HELB: variants seen among roughly 807,000 people sequenced by gnomAD.
HELB encodes the protein DNA helicase B, also known as DNA 5'-3' helicase B.
HELB carries 96 observed loss-of-function variants against 101.7 expected under a neutral mutation model. The observed-to-expected ratio is 0.94, with a 90% CI of 0.80 to 1.12. The LOEUF is 1.12. HELB is among the 50% of genes most tolerant of loss of function. The pLI is 0.00. For synonymous variants in HELB, 437 were observed against 459.7 expected (o/e 0.95, Z 0.63); for missense variants, 1,210 against 1,291.9 (o/e 0.94, Z 0.97).
intron 2 of HELB, among the ~76,000 whole-genome samples, chr12:66,305,611 G>C (rs1000449860): frequency 1.3e-5 from 2 of 151,838 alleles, no homozygotes; most frequent in Non-Finnish European, 2.9e-5. Context: ...CAGGTGTGGT[G>C]ATATATACCT....
At chr12:66,321,650 AGT>A in intron 7 of HELB, 1 of 290,678 alleles carries the variant, frequency 3.4e-6, no homozygotes, top group Non-Finnish European at 6.6e-6. Flanking sequence ...TCTTAAATTC[AGT>A]GTTCATAAAC....
chr12:66,307,105 G>A (rs1328578129), intron 3 of HELB, among the ~76,000 whole-genome samples: 3 of 152,116 alleles, frequency 2.0e-5, no homozygotes, highest in Non-Finnish European at 4.4e-5. Context: ...ACTTAATCTT[G>A]GTAGTTCTTG....
Position 66,331,408 on chromosome 12 carries a change from T to C in HELB, c.2925T>C (p.Ser975=), listed in dbSNP as rs762664111. Residue 975 remains serine, a synonymous_variant, in exon 12 of 13, where the codon AGT becomes AGC. Coordinates refer to ENST00000247815, the MANE Select transcript of HELB (RefSeq NM_001370285.1). ...CCCCACGGAAGAGCTCTGGAGACAG[T>C]GGAGGACCCAGCACACCGTCAGCAT... ...FPSPRKSSGD[S]GGPSTPSASP... is the part of the protein sequence containing the mutation. The C allele has an allele frequency of 6.8e-6, 11 of 1,614,190 alleles. No individual in the cohort carries two copies. In the East Asian group the frequency reaches 2.5e-4, roughly 36 times the overall value.
intron 11 of HELB, among the ~76,000 whole-genome samples, chr12:66,328,058 G>C (rs745814324): frequency 1.3e-5 from 2 of 152,134 alleles, no homozygotes; most frequent in Non-Finnish European, 2.9e-5. Context: ...TGAGAAGCAG[G>C]AATAGCAAGG....
intron 10 of HELB, 166 bp downstream of exon 10, chr12:66,324,377 TA>T (rs1162073892): frequency 1.1e-4 from 64 of 594,440 alleles, no homozygotes; most frequent in Non-Finnish European, 1.6e-4. Context: ...TATGGGTAGT[TA>T]TCTGGTAATG....
chr12:66,327,088 T>C (rs1488040755), intron 11 of HELB, among the ~76,000 whole-genome samples: 3 of 137,044 alleles, frequency 2.2e-5, no homozygotes, highest in Non-Finnish European at 4.6e-5. Context: ...TATATGTTTA[T>C]ATAGAAAGGA....
intron 2 of HELB, 82 bp from the exon 3 acceptor site, chr12:66,306,263 G>T: frequency 9.1e-7 from 1 of 1,097,446 alleles, no homozygotes; most frequent in Non-Finnish European, 1.3e-6. Flanking sequence ...TGAATCGGTT[G>T]TGCAAAATGA....
intron 12 of HELB, 24 bp downstream of exon 12, chr12:66,331,669 C>G: frequency 6.4e-7 from 1 of 1,568,256 alleles, no homozygotes; most frequent in Middle Eastern, 1.7e-4. Context: ...TTCCATGTTC[C>G]CAAGTTTTAT....
At chr12:66,310,703 C>A in intron 4 of HELB, 95 bp downstream of exon 4, 1 of 1,113,488 alleles carries the variant, frequency 9.0e-7, no homozygotes, top group Non-Finnish European at 1.3e-6. Context: ...GAGACTGAGG[C>A]GGGCAGATCA....
rs1435284855 is a variant in HELB at position 66,324,064 on chromosome 12, T to C, written c.2379T>C (p.Pro793=). 6.2e-7 allele frequency: 1 copy of C among 1,613,616 alleles called. No individual in the cohort carries two copies. The highest frequency in any genetic ancestry group is 8.5e-7 in the Non-Finnish European group (1 of 1,179,648). ...TRNAYLSDLL[P]ENISGSQQNN... Reference sequence around the variant, plus strand: ...ATGCATACCTCTCAGACTTACTACCTGAAAATATCTCTGGAAGTCAGCAAA... The same window carrying C: ...ATGCATACCTCTCAGACTTACTACCCGAAAATATCTCTGGAAGTCAGCAAA... The change falls in exon 10 of 13, where the codon CCT becomes CCC. Residue 793 remains proline, a synonymous_variant. Coordinates refer to ENST00000247815, the MANE Select transcript of HELB (RefSeq NM_001370285.1).
At chr12:66,314,456 T>A (rs1426140930) in intron 5 of HELB, among the ~76,000 whole-genome samples, 5 of 152,068 alleles carry the variant, frequency 3.3e-5, no homozygotes, top group African/African-American at 2.4e-5. Flanking sequence ...TCAGAGTAAA[T>A]CAGGATGTGA....
In HELB at chr12:66,312,203, A is replaced by G. The variant is rs117552086; in HGVS notation, c.1680+1595A>G. On this transcript the variant is annotated intron_variant, in intron 4 of 12. Transcript: ENST00000247815. ...GGGGATGTTAAACATTTTGCCTAAG[A>G]TCTCAGTTAGGTGTAGAACTGGGAC... 3.5e-3 allele frequency among the ~76,000 whole-genome samples: 535 copies of G among 152,340 alleles called. 2 individuals are homozygous for G. The highest frequency in any genetic ancestry group is 6.8e-3 in the Middle Eastern group (2 of 294).
At chr12:66,327,354 G>A (rs2053754047) in intron 11 of HELB, among the ~76,000 whole-genome samples, 1 of 151,974 alleles carries the variant, frequency 6.6e-6, no homozygotes, top group East Asian at 1.9e-4. Flanking sequence ...CCTCTGTTCT[G>A]TCTCTCTAGA....
At chr12:66,335,760 G>A (rs1233964972) in intron 12 of HELB, among the ~76,000 whole-genome samples, 1 of 152,180 alleles carries the variant, frequency 6.6e-6, no homozygotes, top group African/African-American at 2.4e-5. Flanking sequence ...CAGGATTAGG[G>A]ACAGAGGACC....
At chr12:66,311,233 G>A (rs555590418) in intron 4 of HELB, among the ~76,000 whole-genome samples, 4 of 152,000 alleles carry the variant, frequency 2.6e-5, no homozygotes, top group Non-Finnish European at 5.9e-5. Flanking sequence ...GGCCAAGGTG[G>A]GAGGATCACT....
chr12:66,323,803 T>C (rs1251313621), intron 9 of HELB, among the ~76,000 whole-genome samples, 180 bp from the exon 10 acceptor site: 2 of 152,212 alleles, frequency 1.3e-5, no homozygotes, highest in African/African-American at 2.4e-5. Context: ...TATGTATAAA[T>C]AATCAGATGA....
At chr12:66,327,717 AACAG>A (rs1464662908) in intron 11 of HELB, among the ~76,000 whole-genome samples, 1 of 152,202 alleles carries the variant, frequency 6.6e-6, no homozygotes, top group East Asian at 1.9e-4. Flanking sequence ...CAGTCTATAA[AACAG>A]ACAAAGATTC....
Position 66,302,498 on chromosome 12 carries a change from G to A in HELB, c.-106G>A. 1 of 1,054,230 alleles carries A rather than the reference G, an allele frequency of 9.5e-7. No individual in the cohort carries two copies. Among genetic ancestry groups the A allele is most frequent in the Non-Finnish European group, 1.3e-6 (1 of 743,990 alleles). The allele number at this position is 1,054,230 out of a possible 1,614,324, so 65.3% of individuals were successfully genotyped here. ...TATGTACGCTGGCGGCCGCCAGGCC[G>A]TTCCCGGAAGTTGATGGCCTTACAG... is the stretch of plus-strand genomic sequence containing the variant. On this transcript the variant is annotated 5_prime_UTR_variant, in exon 1 of 13. Transcript: ENST00000247815.
chr12:66,322,488 C>A (rs2053681371), intron 8 of HELB, among the ~76,000 whole-genome samples: 1 of 150,624 alleles, frequency 6.6e-6, no homozygotes, highest in Non-Finnish European at 1.5e-5. Flanking sequence ...TTGCTTGAAC[C>A]CGGGAGGTGG....
Sources: allele counts gnomAD v4.1 joint callset (sites outside exome capture counted in the v4.1 genomes callset), GRCh38; gene constraint gnomAD v4.1.1; transcripts MANE v1.5; gene names NCBI Gene and HGNC (gene_info 2026-07-23, HGNC 2026-07-21).